SEMA5A: variants seen among roughly 807,000 people sequenced by gnomAD.
The protein encoded by SEMA5A is semaphorin-5A.
A neutral mutation model predicts 135.5 loss-of-function variants in SEMA5A; 55 were observed. The observed-to-expected ratio is 0.41, with a 90% CI of 0.33 to 0.51. The LOEUF (loss-of-function observed/expected upper bound fraction) is 0.51, where lower values mean the gene tolerates loss of function less well. SEMA5A is among the 20% of genes least tolerant of loss of function. The pLI is 0.37. For missense variants in SEMA5A, 1,290 were observed against 1,419.9 expected, an observed-to-expected ratio of 0.91 and a Z score of 1.47; for synonymous variants, 580 against 546.5, an observed-to-expected ratio of 1.06 and a Z score of -0.85.
chr5:9,051,949 C>T lies in SEMA5A; in HGVS notation c.2769G>A (p.Leu923=). The change falls in exon 20 of 23, where the codon CTG becomes CTA. Residue 923 remains leucine, a synonymous_variant. Transcript: ENST00000382496. ...CGGAGCACTGGCTGCCCATGGGGAA[C>T]AGGAGGATGCACTGGCGGGCGCGGA... ...VQVRARQCIL[L]FPMGSQCSGN... 6.2e-7 allele frequency: 1 copy of T among 1,614,172 alleles called. No individual in the cohort carries two copies. Among genetic ancestry groups the T allele is most frequent in the South Asian group, 1.1e-5 (1 of 91,076 alleles).
At chr5:9,300,047 C>T (rs181046551) in intron 5 of SEMA5A, among the ~76,000 whole-genome samples, 147 of 151,708 alleles carry the variant, frequency 9.7e-4, no homozygotes, top group African/African-American at 3.0e-3. Flanking sequence ...TTTTGGGGGG[C>T]GGGGGGCAGG....
At chr5:9,230,158 CTTTTTTTTTTTTT>C (rs5865817) in intron 6 of SEMA5A, among the ~76,000 whole-genome samples, 3 of 98,286 alleles carry the variant, frequency 3.1e-5, no homozygotes, top group South Asian at 3.8e-4. Flanking sequence ...CTATTTTTTT[CTTTTTTTTTTTTT>C]TTTTTTTTTG....
intron 3 of SEMA5A, among the ~76,000 whole-genome samples, chr5:9,368,713 G>C (rs1755015658): frequency 6.6e-6 from 1 of 152,170 alleles, no homozygotes. Context: ...CATCTAGCTT[G>C]CTATCTGTAT....
intron 11 of SEMA5A, among the ~76,000 whole-genome samples, chr5:9,179,076 G>A (rs1391826957): frequency 4.6e-5 from 7 of 152,220 alleles, no homozygotes; most frequent in South Asian, 2.1e-4. Context: ...AAAAATCCTC[G>A]TAGTTATAAT....
chr5:9,517,412 T>C (rs1321179081), intron 1 of SEMA5A: 2 of 152,314 alleles, frequency 1.3e-5, no homozygotes, highest in Non-Finnish European at 2.9e-5. Flanking sequence ...ATCAGTATTA[T>C]CTGGAAACAG....
intron 4 of SEMA5A, among the ~76,000 whole-genome samples, chr5:9,332,050 A>G (rs1753161156): frequency 6.6e-6 from 1 of 152,234 alleles, no homozygotes; most frequent in African/African-American, 2.4e-5. Flanking sequence ...ACATTGGGTC[A>G]GGTGTGCAAG....
At chr5:9,283,468 C>T (rs1352856339) in intron 5 of SEMA5A, among the ~76,000 whole-genome samples, 1 of 152,228 alleles carries the variant, frequency 6.6e-6, no homozygotes, top group South Asian at 2.1e-4. Context: ...CTGCTGTGGC[C>T]CTTTTAAAGA....
rs188168006 is a variant in SEMA5A, at chr5:9,235,863, C to T, written c.333+1965G>A. Among the ~76,000 whole-genome samples the T allele has an allele frequency of 2.0e-3, 298 of 152,268 alleles. 6 individuals are homozygous for T. Among genetic ancestry groups the T allele is most frequent in the Admixed American group, 0.016 (244 of 15,296 alleles). On this transcript the variant is annotated intron_variant, in intron 6 of 22. Transcript: ENST00000382496. ...AGGTCACTGTATTAGTCTGTTCTCA[C>T]ACTGCTAATACCTGAGACTGGGTAA...
At chr5:9,146,338 A>G (rs1473759742) in intron 12 of SEMA5A, among the ~76,000 whole-genome samples, 2 of 152,218 alleles carry the variant, frequency 1.3e-5, no homozygotes, top group African/African-American at 2.4e-5. Context: ...TGGCATCCAT[A>G]TAATGTTGCT....
chr5:9,444,955 G>A (rs1244869053), intron 1 of SEMA5A, among the ~76,000 whole-genome samples: 1 of 152,186 alleles, frequency 6.6e-6, no homozygotes, highest in Non-Finnish European at 1.5e-5. Flanking sequence ...CAGCACTGAT[G>A]CAAACACCCA....
At chr5:9,269,618 T>G (rs1318400498) in intron 5 of SEMA5A, among the ~76,000 whole-genome samples, 1 of 152,030 alleles carries the variant, frequency 6.6e-6, no homozygotes, top group Admixed American at 6.5e-5. Context: ...TAAAATAGAA[T>G]AGAAACATTG....
chr5:9,229,592 CAT>C (rs1409329762), intron 6 of SEMA5A, among the ~76,000 whole-genome samples: 2 of 152,092 alleles, frequency 1.3e-5, no homozygotes, highest in African/African-American at 2.4e-5. Flanking sequence ...ATGACACAGA[CAT>C]ATTAATGACA....
At chr5:9,426,477 A>G (rs1406600462) in intron 2 of SEMA5A, among the ~76,000 whole-genome samples, 1 of 150,164 alleles carries the variant, frequency 6.7e-6, no homozygotes, top group Non-Finnish European at 1.5e-5. Context: ...AAAATAAAAT[A>G]AATGTGTATT....
intron 3 of SEMA5A, among the ~76,000 whole-genome samples, chr5:9,343,750 T>C (rs1753747569): frequency 6.6e-6 from 1 of 152,196 alleles, no homozygotes; most frequent in Admixed American, 6.5e-5. Context: ...TGTGCTGGTT[T>C]ACTATGCTGT....
intron 16 of SEMA5A, among the ~76,000 whole-genome samples, chr5:9,106,816 G>C (rs1313097476): frequency 1.3e-5 from 2 of 152,204 alleles, no homozygotes; most frequent in Non-Finnish European, 2.9e-5. Context: ...ATGGTCTACA[G>C]TTAGTTCAGG....
At chr5:9,148,334 C>T (rs567210803) in intron 12 of SEMA5A, among the ~76,000 whole-genome samples, 11 of 152,252 alleles carry the variant, frequency 7.2e-5, no homozygotes, top group Middle Eastern at 3.4e-3. Flanking sequence ...CAAATTCATA[C>T]GGCCACCTAA....
At chr5:9,053,787 T>G in intron 19 of SEMA5A, 1 of 251,482 alleles carries the variant, frequency 4.0e-6, no homozygotes, top group Non-Finnish European at 7.6e-6. Flanking sequence ...TGTTTCCTAA[T>G]TAGGGAGATT....
At chr5:9,356,766 C>T (rs1754467242) in intron 3 of SEMA5A, among the ~76,000 whole-genome samples, 1 of 152,206 alleles carries the variant, frequency 6.6e-6, no homozygotes, top group Non-Finnish European at 1.5e-5. Context: ...TTAACATTGT[C>T]ATGACAAGCA....
intron 2 of SEMA5A, among the ~76,000 whole-genome samples, chr5:9,381,855 AT>A (rs1231938066): frequency 1.6e-4 from 24 of 152,026 alleles, no homozygotes; most frequent in African/African-American, 5.6e-4. Context: ...AAGATAGATA[AT>A]GTAAGTGACT....
Sources: gnomAD v4.1 joint callset for allele counts (sites outside exome capture counted in the v4.1 genomes callset) on GRCh38, gnomAD v4.1.1 for gene constraint, MANE v1.5 for transcripts, NCBI Gene and HGNC (gene_info 2026-07-23, HGNC 2026-07-21) for gene names.